RORA: variants seen among roughly 807,000 people sequenced by gnomAD.
RORA encodes nuclear receptor ROR-alpha.
A neutral mutation model predicts 69.5 loss-of-function variants in RORA; 7 were observed. The ratio of observed to expected loss-of-function variants is 0.10; its 90% CI spans 0.06 to 0.19. RORA has a LOEUF of 0.19. RORA is among the 10% of genes least tolerant of loss of function. The pLI, the probability that RORA is intolerant of heterozygous loss-of-function variation, is 1.00. For missense variants in RORA, 457 were observed against 663.0 expected, an observed-to-expected ratio of 0.69 and a Z score of 3.41; for synonymous variants, 261 against 240.8, an observed-to-expected ratio of 1.08 and a Z score of -0.78.
chr15:61,129,617 A>C (rs1455125520), intron 1 of RORA, among the ~76,000 whole-genome samples: 2 of 152,244 alleles, frequency 1.3e-5, no homozygotes, highest in Non-Finnish European at 2.9e-5. Flanking sequence ...TTGCAATAAA[A>C]AATGTGATAC....
intron 1 of RORA, among the ~76,000 whole-genome samples, chr15:60,879,231 G>A (rs1296213638): frequency 6.6e-6 from 1 of 152,156 alleles, no homozygotes; most frequent in Non-Finnish European, 1.5e-5. Flanking sequence ...CAGGGTAGTG[G>A]GGCCCACAGT....
intron 1 of RORA, among the ~76,000 whole-genome samples, chr15:61,103,262 G>A (rs1175940450): frequency 4.6e-5 from 7 of 152,182 alleles, no homozygotes; most frequent in Non-Finnish European, 1.0e-4. Context: ...TCAGCAGGCT[G>A]CTTTGGGGCA....
chr15:61,087,962 C>T (rs978138133), intron 1 of RORA, among the ~76,000 whole-genome samples: 22 of 152,222 alleles, frequency 1.4e-4, no homozygotes, highest in African/African-American at 4.8e-4. Flanking sequence ...CTCAGGGATA[C>T]GGCCTACGCC....
At chr15:61,196,289 A>G (rs1184118259) in intron 1 of RORA, among the ~76,000 whole-genome samples, 1 of 152,236 alleles carries the variant, frequency 6.6e-6, no homozygotes, top group Non-Finnish European at 1.5e-5. Flanking sequence ...ACTATCATCA[A>G]CCAGTAGCTT....
At chr15:61,206,308 G>A (rs117064365) in intron 1 of RORA, among the ~76,000 whole-genome samples, 230 of 152,266 alleles carry the variant, frequency 1.5e-3, no homozygotes, top group Non-Finnish European at 2.4e-3. Flanking sequence ...CCCAGCAAGC[G>A]TCAGGCATTA....
At chr15:60,750,384 G>C (rs1421187203) in intron 1 of RORA, among the ~76,000 whole-genome samples, 1 of 152,240 alleles carries the variant, frequency 6.6e-6, no homozygotes, top group African/African-American at 2.4e-5. Context: ...CAAATGAAGT[G>C]ACATACAGAG....
At chr15:60,607,675 A>G (rs1567120832) in intron 2 of RORA, among the ~76,000 whole-genome samples, 1 of 152,172 alleles carries the variant, frequency 6.6e-6, no homozygotes. Context: ...CTTTCCCCCT[A>G]TTTAAAGCTA....
chr15:60,815,627 C>G (rs2072798784), intron 1 of RORA, among the ~76,000 whole-genome samples: 1 of 151,854 alleles, frequency 6.6e-6, no homozygotes, highest in Non-Finnish European at 1.5e-5. Context: ...GTGCTGAAAT[C>G]ACAGATCTGA....
intron 1 of RORA, among the ~76,000 whole-genome samples, chr15:60,837,335 TGATTGAGGTGATTCCAG>T (rs1221218710): frequency 2.6e-5 from 4 of 152,196 alleles, no homozygotes; most frequent in African/African-American, 9.7e-5. Flanking sequence ...GAAGCCTATT[TGATTGAGGTGATTCCAG>T]ATGTGAAATG....
At chr15:60,851,152 G>A (rs1024259661) in intron 1 of RORA, among the ~76,000 whole-genome samples, 1 of 152,134 alleles carries the variant, frequency 6.6e-6, no homozygotes, top group Non-Finnish European at 1.5e-5. Context: ...GAGCAACGAT[G>A]TACATATACA....
At chr15:60,908,751 C>T (rs1891617212) in intron 1 of RORA, among the ~76,000 whole-genome samples, 1 of 152,158 alleles carries the variant, frequency 6.6e-6, no homozygotes. Flanking sequence ...CTTATTACCC[C>T]CACAGAAAGC....
intron 1 of RORA, among the ~76,000 whole-genome samples, chr15:61,216,078 T>G (rs1397067175): frequency 6.6e-6 from 1 of 152,220 alleles, no homozygotes; most frequent in Admixed American, 6.5e-5. Flanking sequence ...ATTCCATACT[T>G]GCTTCACTAT....
In RORA at chr15:60,592,256, A is replaced by G. The variant is rs1030943954; in HGVS notation, c.197-60405T>C. ...CGGCGGTGGCCCAGAAGGCCCTGGC[A>G]GGGCCCCCGCGCCGAGCCCCGGGCA... is the stretch of plus-strand genomic sequence containing the variant. On this transcript the variant is annotated intron_variant, in intron 2 of 10. Transcript: ENST00000335670. The G allele has an allele frequency of 2.6e-5, 14 of 544,506 alleles. 1 individual carries two copies. In the South Asian group the frequency reaches 2.6e-4, roughly 10 times the overall value. The allele number at this position is 544,506 out of a possible 1,614,324, so 33.7% of individuals were successfully genotyped here.
chr15:60,672,335 T>C (rs2070486363), intron 2 of RORA, among the ~76,000 whole-genome samples: 4 of 152,178 alleles, frequency 2.6e-5, no homozygotes, highest in Admixed American at 2.0e-4. Context: ...AATGAAGCTC[T>C]TCATTTTAAA....
At chr15:61,112,164 C>T (rs1278122613) in intron 1 of RORA, among the ~76,000 whole-genome samples, 1 of 152,184 alleles carries the variant, frequency 6.6e-6, no homozygotes, top group Non-Finnish European at 1.5e-5. Flanking sequence ...CCTTTTAAAC[C>T]TTGCCCATAT....
At chr15:60,677,091 C>T (rs955524803) in intron 2 of RORA, 5 of 445,376 alleles carry the variant, frequency 1.1e-5, no homozygotes, top group African/African-American at 2.0e-5. Context: ...TAGGCACAAT[C>T]ATCAGCCCCT....
At chr15:61,169,523 G>A (rs141776986) in intron 1 of RORA, among the ~76,000 whole-genome samples, 189 of 151,784 alleles carry the variant, frequency 1.2e-3, no homozygotes, top group African/African-American at 4.4e-3. Flanking sequence ...CTCCTCACAC[G>A]GGACGTAAAC....
chr15:60,510,661 A>G (rs2065666033), intron 5 of RORA: 1 of 152,786 alleles, frequency 6.5e-6, no homozygotes, highest in African/African-American at 2.4e-5. Context: ...GAAAGGTGTA[A>G]TCCCCTGGCT....
At chr15:60,885,185 C>T (rs1277602721) in intron 1 of RORA, among the ~76,000 whole-genome samples, 2 of 152,168 alleles carry the variant, frequency 1.3e-5, no homozygotes, top group African/African-American at 2.4e-5. Flanking sequence ...GAAGTGATGC[C>T]ATGCCCATCT....
Sources: gnomAD v4.1 joint callset for allele counts (sites outside exome capture counted in the v4.1 genomes callset) on GRCh38, gnomAD v4.1.1 for gene constraint, MANE v1.5 for transcripts, NCBI Gene and HGNC (gene_info 2026-07-23, HGNC 2026-07-21) for gene names.